Variants in MACROD2 observed in about 807,000 individuals in gnomAD.
MACROD2 encodes the protein ADP-ribose glycohydrolase MACROD2.
MACROD2 carries 36 observed loss-of-function variants against 70.4 expected under a neutral mutation model. The observed-to-expected ratio is 0.51, with a 90% CI of 0.39 to 0.68. The LOEUF (loss-of-function observed/expected upper bound fraction) is 0.68, where lower values mean the gene tolerates loss of function less well. MACROD2 is among the 30% of genes least tolerant of loss of function. The pLI is 0.00. For missense variants in MACROD2, 496 were observed against 538.4 expected, an observed-to-expected ratio of 0.92 and a Z score of 0.78; for synonymous variants, 172 against 178.8, an observed-to-expected ratio of 0.96 and a Z score of 0.30.
intron 3 of MACROD2, among the ~76,000 whole-genome samples, chr20:14,396,924 CAA>C (rs373227803): frequency 2.2e-4 from 18 of 82,612 alleles, no homozygotes; most frequent in African/African-American, 5.6e-4. Flanking sequence ...GACTCCATCT[CAA>C]AAAAAAAAAA....
At chr20:14,012,857 A>C (rs185809230) in intron 2 of MACROD2, among the ~76,000 whole-genome samples, 87 of 152,316 alleles carry the variant, frequency 5.7e-4, no homozygotes, top group African/African-American at 1.9e-3. Flanking sequence ...CGCAATAGCA[A>C]TAGAAGGTGG....
At chr20:14,004,234 C>T (rs1471124377) in intron 2 of MACROD2, among the ~76,000 whole-genome samples, 2 of 152,126 alleles carry the variant, frequency 1.3e-5, no homozygotes, top group African/African-American at 4.8e-5. Context: ...AAATGTTCCC[C>T]AAATTAGAAA....
chr20:14,520,048 C>T (rs2085147718), intron 4 of MACROD2, among the ~76,000 whole-genome samples: 1 of 152,056 alleles, frequency 6.6e-6, no homozygotes, highest in Admixed American at 6.6e-5. Context: ...AAACAACAGA[C>T]ACGGGGGCCT....
At chr20:15,969,467 A>G (rs2066196733) in intron 13 of MACROD2, among the ~76,000 whole-genome samples, 2 of 152,176 alleles carry the variant, frequency 1.3e-5, no homozygotes, top group South Asian at 4.1e-4. Context: ...AAGATTGGAA[A>G]TTTTAGCCGA....
At chr20:15,160,628 C>T (rs1300799627) in intron 5 of MACROD2, among the ~76,000 whole-genome samples, 2 of 152,038 alleles carry the variant, frequency 1.3e-5, no homozygotes, top group African/African-American at 4.8e-5. Flanking sequence ...TTCACCCTTC[C>T]ACCCATATCC....
intron 5 of MACROD2, among the ~76,000 whole-genome samples, chr20:14,950,901 G>C (rs2074470569): frequency 6.6e-6 from 1 of 152,118 alleles, no homozygotes; most frequent in Admixed American, 6.5e-5. Context: ...GTTGGTTGAG[G>C]ACTTACTGGC....
chr20:15,259,594 A>G (rs1217570291), intron 6 of MACROD2, among the ~76,000 whole-genome samples: 1 of 152,018 alleles, frequency 6.6e-6, no homozygotes, highest in Non-Finnish European at 1.5e-5. Context: ...ATACATTTAT[A>G]TGTTAGAGAA....
At chr20:14,720,875 T>C (rs1456325783) in intron 5 of MACROD2, among the ~76,000 whole-genome samples, 1 of 151,926 alleles carries the variant, frequency 6.6e-6, no homozygotes, top group Non-Finnish European at 1.5e-5. Flanking sequence ...TAACCACATT[T>C]ACAAATTGCT....
chr20:15,028,662 A>T (rs1471037658), intron 5 of MACROD2, among the ~76,000 whole-genome samples: 1 of 152,106 alleles, frequency 6.6e-6, no homozygotes, highest in Non-Finnish European at 1.5e-5. Flanking sequence ...CCTCCCTGGA[A>T]GGTCAAGGGA....
intron 5 of MACROD2, among the ~76,000 whole-genome samples, chr20:15,203,638 ATTAT>A (rs1234668027): frequency 6.6e-6 from 1 of 152,040 alleles, no homozygotes; most frequent in Non-Finnish European, 1.5e-5. Flanking sequence ...GCCAAAAGCT[ATTAT>A]TTATATCTGA....
Position 15,885,812 on chromosome 20 carries a change from G to A in MACROD2, c.775+1G>A. The A allele has an allele frequency of 6.7e-7, 1 of 1,495,240 alleles. No individual in the cohort carries two copies. The highest frequency in any genetic ancestry group is 8.9e-7 in the Non-Finnish European group (1 of 1,123,038). 92.6% of individuals were successfully genotyped at this position (1,495,240 alleles called of 1,614,324 possible). On this transcript the variant is annotated splice_donor_variant, in intron 10 of 17. Coordinates refer to ENST00000684519, the MANE Select transcript of MACROD2 (RefSeq NM_001351661.2). LOFTEE classifies it high-confidence loss of function. ...GATGTTGAAATGAAAGAAGATTCAGGTATTAAATTCATACTTTTATTATTA... is the reference window on the plus strand; with the variant it reads ...GATGTTGAAATGAAAGAAGATTCAGATATTAAATTCATACTTTTATTATTA...
intron 8 of MACROD2, among the ~76,000 whole-genome samples, chr20:15,545,534 T>C (rs2048014752): frequency 6.6e-6 from 1 of 152,196 alleles, no homozygotes; most frequent in African/African-American, 2.4e-5. Flanking sequence ...AAAACGGGCC[T>C]CTTCAGAATC....
rs148745419 is a variant in MACROD2, at chr20:15,963,373, G to A, written c.908-4180G>A. Among the ~76,000 whole-genome samples the A allele has an allele frequency of 5.2e-3, 790 of 152,228 alleles. 6 individuals are homozygous for A. Among genetic ancestry groups the A allele is most frequent in the African/African-American group, 0.018 (744 of 41,532 alleles). On this transcript the variant is annotated intron_variant, in intron 12 of 17. Coordinates refer to ENST00000684519, the MANE Select transcript of MACROD2 (RefSeq NM_001351661.2). ...AGGGGCTTCCTCTCTTACTCGGTGCGTTTTTTAGACCACCTAGCTTGAATA... is the reference window on the plus strand; with the variant it reads ...AGGGGCTTCCTCTCTTACTCGGTGCATTTTTTAGACCACCTAGCTTGAATA...
At chr20:14,417,066 CATCTATCTATCTATCTATCTATCT>C (rs11405633) in intron 3 of MACROD2, among the ~76,000 whole-genome samples, 52 of 132,604 alleles carry the variant, frequency 3.9e-4, no homozygotes, top group African/African-American at 9.5e-4. Flanking sequence ...ATCTATCTAT[CATCTATCTATCTATCTATCTATCT>C]ATCTATCTAT....
intron 2 of MACROD2, among the ~76,000 whole-genome samples, chr20:14,026,154 C>T (rs1015597107): frequency 2.0e-5 from 3 of 152,152 alleles, no homozygotes; most frequent in Non-Finnish European, 2.9e-5. Context: ...TTATCAGAGA[C>T]TAGGATTGCA....
At chr20:15,454,445 A>ACACACG (rs1555822876) in intron 7 of MACROD2, among the ~76,000 whole-genome samples, 2,158 of 123,872 alleles carry the variant, frequency 0.017, 63 homozygotes, top group African/African-American at 0.055. Flanking sequence ...ACACACACAC[A>ACACACG]CACACACACC....
chr20:14,308,869 A>T (rs1272199290), intron 3 of MACROD2, among the ~76,000 whole-genome samples: 1 of 152,122 alleles, frequency 6.6e-6, no homozygotes, highest in Non-Finnish European at 1.5e-5. Context: ...GCAACTGGAG[A>T]TGGAAAGGGT....
At chr20:15,874,328 G>T (rs563620801) in intron 9 of MACROD2, among the ~76,000 whole-genome samples, 14 of 152,036 alleles carry the variant, frequency 9.2e-5, no homozygotes, top group Non-Finnish European at 1.5e-4. Context: ...TGGACATTTG[G>T]GTTGGTTCCA....
At chr20:14,809,613 A>C (rs2072683742) in intron 5 of MACROD2, among the ~76,000 whole-genome samples, 1 of 151,974 alleles carries the variant, frequency 6.6e-6, no homozygotes, top group South Asian at 2.1e-4. Context: ...AAAGAGACAC[A>C]AAAAAACTCT....
Sources: allele counts gnomAD v4.1 joint callset (sites outside exome capture counted in the v4.1 genomes callset), GRCh38; gene constraint gnomAD v4.1.1; transcripts MANE v1.5; gene names NCBI Gene and HGNC (gene_info 2026-07-23, HGNC 2026-07-21).